Variants in NPM1 observed in about 807,000 individuals in gnomAD.
The protein encoded by NPM1 is nucleophosmin 1.
NPM1 carries 1 observed loss-of-function variant against 44.1 expected under a neutral mutation model. That is an observed-to-expected ratio of 0.02 (90% CI 0.01 to 0.11). The LOEUF is 0.11. Ranked by LOEUF, NPM1 falls within the 10% of genes least tolerant of loss-of-function variation. The pLI is 1.00. For missense variants in NPM1, 197 were observed against 347.8 expected (o/e 0.57, Z 3.45); for synonymous variants, 126 against 111.8 (o/e 1.13, Z -0.80).
intron 6 of NPM1, among the ~76,000 whole-genome samples, chr5:171,394,758 A>T (rs1770789780): frequency 6.6e-6 from 1 of 152,178 alleles, no homozygotes; most frequent in African/African-American, 2.4e-5. Flanking sequence ...ACAAGTTTAT[A>T]AAATAAGTGT....
chr5:171,391,625 G>GA (rs1431734340), intron 3 of NPM1, 81 bp from the exon 4 acceptor site: 1 of 1,164,290 alleles, frequency 8.6e-7, no homozygotes, highest in Non-Finnish European at 1.3e-6. Flanking sequence ...CTGGTTTGTT[G>GA]ATTTGGCTTA....
intron 9 of NPM1, chr5:171,406,347 G>T: frequency 6.6e-7 from 1 of 1,507,648 alleles, no homozygotes. Context: ...TCTTTTAGAT[G>T]CCCCTCCCCT....
intron 6 of NPM1, among the ~76,000 whole-genome samples, chr5:171,397,849 A>G (rs1177919693): frequency 7.0e-6 from 1 of 142,298 alleles, no homozygotes; most frequent in Non-Finnish European, 1.5e-5. Flanking sequence ...GCTTGAGTGC[A>G]GTGATGTGAT....
Position 171,409,421 on chromosome 5 carries a change from A to G in NPM1, c.847-1106A>G, listed in dbSNP as rs192950281. Among the ~76,000 whole-genome samples the G allele has an allele frequency of 7.8e-4, 118 of 152,242 alleles. 1 individual carries two copies. The highest frequency in any genetic ancestry group is 2.8e-3 in the African/African-American group (116 of 41,556). On this transcript the variant is annotated intron_variant, in intron 10 of 10. Transcript: ENST00000296930. ...ACTAAATTTAGCTGGGCATGGTGGCATGTACCTGTAATCCCACCTACTCAA... is the reference window on the plus strand; with the variant it reads ...ACTAAATTTAGCTGGGCATGGTGGCGTGTACCTGTAATCCCACCTACTCAA...
At chr5:171,393,101 T>G (rs1770675379) in intron 6 of NPM1, 123 bp downstream of exon 6, 3 of 1,298,842 alleles carry the variant, frequency 2.3e-6, no homozygotes, top group East Asian at 2.6e-5. Flanking sequence ...ATGTAATAGT[T>G]TATAATAAAA....
chr5:171,394,681 A>G (rs1314928703), intron 6 of NPM1, among the ~76,000 whole-genome samples: 5 of 152,218 alleles, frequency 3.3e-5, no homozygotes, highest in African/African-American at 1.2e-4. Flanking sequence ...AACAGGCTAA[A>G]AACACAAATT....
intron 8 of NPM1, among the ~76,000 whole-genome samples, chr5:171,401,296 C>T (rs997205400): frequency 6.6e-6 from 1 of 151,548 alleles, no homozygotes; most frequent in Admixed American, 6.6e-5. Flanking sequence ...AGGTGGAGTG[C>T]AGTGAGATTG....
intron 8 of NPM1, among the ~76,000 whole-genome samples, chr5:171,402,345 C>CA (rs1771258088): frequency 6.6e-6 from 1 of 151,246 alleles, no homozygotes; most frequent in Admixed American, 6.6e-5. Flanking sequence ...ATTAAAAACT[C>CA]AAAAAACAAC....
intron 7 of NPM1, among the ~76,000 whole-genome samples, chr5:171,400,548 C>T (rs552148880): frequency 6.6e-6 from 1 of 151,564 alleles, no homozygotes; most frequent in Admixed American, 6.6e-5. Flanking sequence ...CTTCTGCCTC[C>T]CGGGTTGAAG....
At chr5:171,398,873 A>T (rs1289013902) in intron 6 of NPM1, among the ~76,000 whole-genome samples, 3 of 152,136 alleles carry the variant, frequency 2.0e-5, no homozygotes, top group East Asian at 1.9e-4. Context: ...TTATTTATTT[A>T]TTTTTTTGAA....
rs1482593443 is a variant in NPM1, at chr5:171,403,758, G to A, written c.670-1544G>A. On this transcript the variant is annotated intron_variant, in intron 8 of 10. Coordinates refer to ENST00000296930, the MANE Select transcript of NPM1 (RefSeq NM_002520.7). ...GGGCTGACCCCCCCACCTCCCTCCC[G>A]GACGGGGCGGCTGGCCGGGCAGAGG... 6.4e-3 allele frequency among the ~76,000 whole-genome samples: 806 copies of A among 125,218 alleles called. No homozygotes were observed. In the East Asian group the frequency reaches 0.083, roughly 13 times the overall value. 82.1% of individuals were successfully genotyped at this position (125,218 alleles called of 152,430 possible). A position where few individuals can be genotyped will look rare whatever the true frequency, so the allele number is the denominator to read the frequency against.
At chr5:171,395,046 G>A (rs1770810589) in intron 6 of NPM1, among the ~76,000 whole-genome samples, 1 of 152,116 alleles carries the variant, frequency 6.6e-6, no homozygotes, top group African/African-American at 2.4e-5. Flanking sequence ...GGGTATCGTG[G>A]TGCCTGCCTA....
intron 6 of NPM1, among the ~76,000 whole-genome samples, chr5:171,399,948 T>C (rs548581181): frequency 3.9e-5 from 6 of 152,244 alleles, no homozygotes; most frequent in Non-Finnish European, 8.8e-5. Flanking sequence ...TTCAGTCATG[T>C]AGCATGCAAG....
intron 6 of NPM1, among the ~76,000 whole-genome samples, chr5:171,397,863 G>C (rs918231025): frequency 7.2e-6 from 1 of 138,246 alleles, no homozygotes; most frequent in African/African-American, 2.7e-5. Context: ...ATGTGATCTT[G>C]GCTCACTGCA....
intron 2 of NPM1, 74 bp from the exon 3 acceptor site, chr5:171,391,231 A>C (rs1770560428): frequency 1.3e-6 from 2 of 1,539,726 alleles, no homozygotes; most frequent in African/African-American, 1.4e-5. Context: ...GCATGGCTGC[A>C]TATAACATTT....
At chr5:171,398,582 C>T (rs1771031335) in intron 6 of NPM1, among the ~76,000 whole-genome samples, 1 of 152,034 alleles carries the variant, frequency 6.6e-6, no homozygotes, top group Non-Finnish European at 1.5e-5. Flanking sequence ...ACTATCCTGG[C>T]CAATTTGGTG....
At chr5:171,389,356 G>A (rs1770450083) in intron 1 of NPM1, among the ~76,000 whole-genome samples, 1 of 152,214 alleles carries the variant, frequency 6.6e-6, no homozygotes, top group Admixed American at 6.5e-5. Flanking sequence ...TTCTGACAGT[G>A]TTTTGAAGAA....
rs370170159 is a variant in NPM1, at chr5:171,400,697, C to T, written c.583-142C>T. 1.2e-4 allele frequency: 71 copies of T among 579,652 alleles called. No individual in the cohort carries two copies. The East Asian group carries it at 1.4e-3, about 12-fold the overall frequency. The allele number at this position is 579,652 out of a possible 1,614,324, so 35.9% of individuals were successfully genotyped here. On this transcript the variant is annotated intron_variant, in intron 7 of 10. Coordinates refer to ENST00000296930, the MANE Select transcript of NPM1 (RefSeq NM_002520.7). ...TCCTGACCTCGTGATCCACCTGCCT[C>T]GGCCTCCCAAAGTCCTGGGATTACA...
At position 171,410,601 on chromosome 5, in the gene NPM1, G is replaced by A. The variant is rs1059404; in HGVS notation, c.*36G>A. ...TAAACAATTTGTTAAAAAATTTTCC[G>A]TCTTATTTCATTTCTGTAACAGTTG... On this transcript the variant is annotated 3_prime_UTR_variant, in exon 11 of 11. Coordinates refer to ENST00000296930, the MANE Select transcript of NPM1 (RefSeq NM_002520.7). 2.6e-4 allele frequency: 347 copies of A among 1,312,028 alleles called. No individual in the cohort carries two copies. Among genetic ancestry groups the A allele is most frequent in the Admixed American group, 1.2e-3 (62 of 50,648 alleles). 81.3% of individuals were successfully genotyped at this position (1,312,028 alleles called of 1,614,324 possible).
Sources: gnomAD v4.1 joint callset for allele counts (sites outside exome capture counted in the v4.1 genomes callset) on GRCh38, gnomAD v4.1.1 for gene constraint, MANE v1.5 for transcripts, NCBI Gene and HGNC (gene_info 2026-07-23, HGNC 2026-07-21) for gene names.